The following RNGTT variants were observed in gnomAD, a reference collection of about 807,000 sequenced individuals.
RNGTT encodes the protein RNA guanylyltransferase and 5'-phosphatase.
A neutral mutation model predicts 79.3 loss-of-function variants in RNGTT; 33 were observed. The ratio of observed to expected loss-of-function variants is 0.42; its 90% CI spans 0.32 to 0.56. The LOEUF is 0.56. RNGTT is among the 20% of genes least tolerant of loss of function. The pLI, the probability that RNGTT is intolerant of heterozygous loss-of-function variation, is 0.17. For missense variants in RNGTT, 497 were observed against 739.1 expected, an observed-to-expected ratio of 0.67 and a Z score of 3.80; for synonymous variants, 222 against 235.9, an observed-to-expected ratio of 0.94 and a Z score of 0.54.
At chr6:88,878,813 A>G (rs1782601201) in intron 8 of RNGTT, among the ~76,000 whole-genome samples, 1 of 152,212 alleles carries the variant, frequency 6.6e-6, no homozygotes, top group African/African-American at 2.4e-5. Flanking sequence ...AGTATACACA[A>G]TACCTAATTG....
At chr6:88,757,089 A>G (rs1007835840) in intron 13 of RNGTT, among the ~76,000 whole-genome samples, 2 of 152,202 alleles carry the variant, frequency 1.3e-5, no homozygotes, top group Admixed American at 1.3e-4. Flanking sequence ...ACACGTAACC[A>G]CACACTGATA....
intron 2 of RNGTT, among the ~76,000 whole-genome samples, chr6:88,930,088 A>ACATATATG (rs1784461974): frequency 6.9e-6 from 1 of 144,898 alleles, no homozygotes; most frequent in Non-Finnish European, 1.5e-5. Flanking sequence ...ATACATATAT[A>ACATATATG]CATATACGTA....
chr6:88,889,339 G>A, intron 8 of RNGTT, among the ~76,000 whole-genome samples: 1 of 151,986 alleles, frequency 6.6e-6, no homozygotes, highest in East Asian at 1.9e-4. Context: ...ATTCTAGAAA[G>A]CATATAATGT....
chr6:88,647,125 A>G (rs531862466), intron 14 of RNGTT, among the ~76,000 whole-genome samples: 37 of 152,168 alleles, frequency 2.4e-4, no homozygotes, highest in Admixed American at 3.3e-4. Context: ...TGAACCAGAT[A>G]TATGCAAATT....
At chr6:88,784,228 C>T (rs913902389) in intron 12 of RNGTT, among the ~76,000 whole-genome samples, 3 of 152,136 alleles carry the variant, frequency 2.0e-5, no homozygotes, top group African/African-American at 7.2e-5. Flanking sequence ...CCCACACGTA[C>T]AGCACAGTAC....
intron 13 of RNGTT, among the ~76,000 whole-genome samples, chr6:88,734,680 G>A (rs951235490): frequency 1.3e-5 from 2 of 152,118 alleles, no homozygotes; most frequent in Non-Finnish European, 2.9e-5. Flanking sequence ...GATGGTTCCT[G>A]ACTTAACGAC....
chr6:88,693,423 T>C (rs1031947577), intron 13 of RNGTT, among the ~76,000 whole-genome samples: 4 of 151,928 alleles, frequency 2.6e-5, no homozygotes, highest in African/African-American at 7.2e-5. Context: ...CATAACGAAA[T>C]AGAAAATTAG....
chr6:88,819,766 C>G (rs1780440239), intron 11 of RNGTT, among the ~76,000 whole-genome samples: 1 of 152,094 alleles, frequency 6.6e-6, no homozygotes, highest in Admixed American at 6.5e-5. Context: ...TACCAACAGA[C>G]AGCTGCTAAA....
intron 14 of RNGTT, among the ~76,000 whole-genome samples, chr6:88,674,484 AG>A (rs757083131): frequency 1.2e-4 from 19 of 152,090 alleles, no homozygotes; most frequent in Non-Finnish European, 2.4e-4. Context: ...CGCTGCAGTA[AG>A]CTGCAGTGAG....
chr6:88,622,947 CA>C, intron 14 of RNGTT, among the ~76,000 whole-genome samples: 1 of 152,016 alleles, frequency 6.6e-6, no homozygotes, highest in Admixed American at 6.6e-5. Flanking sequence ...AAAATGTTTA[CA>C]AAATGATAAT....
intron 11 of RNGTT, among the ~76,000 whole-genome samples, chr6:88,808,504 C>G (rs560799460): frequency 1.3e-5 from 2 of 152,182 alleles, no homozygotes; most frequent in South Asian, 2.1e-4. Context: ...TGTAGTAAAT[C>G]AAGTAGTATG....
chr6:88,695,524 A>C (rs1001248020), intron 13 of RNGTT, among the ~76,000 whole-genome samples: 1 of 152,186 alleles, frequency 6.6e-6, no homozygotes, highest in Non-Finnish European at 1.5e-5. Flanking sequence ...TGCAAGGAAA[A>C]AAGAAACCTT....
chr6:88,904,848 G>A lies in RNGTT; in HGVS notation c.551C>T (p.Pro184Leu), dbSNP rs1783598292. 1 of 1,613,970 alleles carries A rather than the reference G, an allele frequency of 6.2e-7. No individual in the cohort carries two copies. The highest frequency in any genetic ancestry group is 8.5e-7 in the Non-Finnish European group (1 of 1,180,004). The part of the protein sequence containing the change: ...FRRYGDIEEA[P>L]PPPLLPDWCF... Reference sequence around the variant, plus strand: ...CCAATCTGGCAATAGAGGTGGGGGTGGTGCTTCCTCTATGTCACCATACCG... The same window carrying A: ...CCAATCTGGCAATAGAGGTGGGGGTAGTGCTTCCTCTATGTCACCATACCG... The change falls in exon 6 of 16, where the codon CCA becomes CTA. Residue 184 changes from proline (P) to leucine (L), a missense_variant. This residue lies in a region of RNGTT where 440 missense variants were observed against 671.5 expected (regional missense o/e 0.66). Coordinates refer to ENST00000369485, the MANE Select transcript of RNGTT (RefSeq NM_003800.5).
intron 13 of RNGTT, among the ~76,000 whole-genome samples, chr6:88,702,051 T>TA (rs1775966265): frequency 6.6e-6 from 1 of 151,948 alleles, no homozygotes; most frequent in African/African-American, 2.4e-5. Context: ...AAAACATGAC[T>TA]AAAAGAAATC....
intron 14 of RNGTT, among the ~76,000 whole-genome samples, chr6:88,659,610 TA>T (rs111951040): frequency 1.1e-3 from 152 of 144,210 alleles, no homozygotes; most frequent in Admixed American, 3.6e-3. Context: ...GAAAAAGAAT[TA>T]AAAAAAAAAA....
intron 8 of RNGTT, among the ~76,000 whole-genome samples, chr6:88,880,807 G>A (rs542725463): frequency 1.3e-5 from 2 of 152,096 alleles, no homozygotes; most frequent in African/African-American, 4.8e-5. Flanking sequence ...ATAGTTCTAA[G>A]TCTTCATCAC....
chr6:88,898,718 T>G (rs1177108366), intron 6 of RNGTT, among the ~76,000 whole-genome samples: 11 of 151,034 alleles, frequency 7.3e-5, no homozygotes, highest in Admixed American at 4.6e-4. Context: ...TATATATTCT[T>G]CTACACTAAG....
intron 13 of RNGTT, among the ~76,000 whole-genome samples, chr6:88,694,050 AC>A (rs911402371): frequency 1.3e-5 from 2 of 152,172 alleles, no homozygotes; most frequent in Non-Finnish European, 2.9e-5. Flanking sequence ...CAAAGCAAAG[AC>A]CACTACTCTC....
chr6:88,613,202 T>C (rs926900503), intron 15 of RNGTT, among the ~76,000 whole-genome samples: 7 of 152,314 alleles, frequency 4.6e-5, no homozygotes, highest in African/African-American at 7.2e-5. Flanking sequence ...CATTGCACCA[T>C]AGTCTGTATT....
Sources: allele counts gnomAD v4.1 joint callset (sites outside exome capture counted in the v4.1 genomes callset), GRCh38; gene constraint gnomAD v4.1.1; regional missense constraint gnomAD v4.1.1; transcripts MANE v1.5; gene names NCBI Gene and HGNC (gene_info 2026-07-23, HGNC 2026-07-21).